Variants in MYT1L observed in about 807,000 individuals in gnomAD.
MYT1L encodes myelin transcription factor 1 like, also known as myelin transcription factor 1-like protein.
MYT1L carries 12 observed loss-of-function variants against 126.7 expected under a neutral mutation model. That is an observed-to-expected ratio of 0.09 (90% CI 0.06 to 0.15). The LOEUF (loss-of-function observed/expected upper bound fraction) is 0.15. MYT1L is among the 10% of genes least tolerant of loss of function. The pLI is 1.00. For synonymous variants in MYT1L, 541 were observed against 604.2 expected (o/e 0.90, Z 1.53); for missense variants, 979 against 1,585.2 (o/e 0.62, Z 6.49).
chr2:2,169,587 G>A (rs1057346139), intron 3 of MYT1L, among the ~76,000 whole-genome samples: 10 of 152,056 alleles, frequency 6.6e-5, no homozygotes, highest in East Asian at 1.9e-4. Context: ...ACCGGAAATC[G>A]TTCTCTTTTG....
At chr2:1,842,640 G>A (rs2041898656) in intron 19 of MYT1L, 1 of 152,484 alleles carries the variant, frequency 6.6e-6, no homozygotes, top group Non-Finnish European at 1.5e-5. Context: ...TCTGGCTCCT[G>A]ACCTGCCTGC....
chr2:1,986,347 G>C (rs1215072038), intron 5 of MYT1L, among the ~76,000 whole-genome samples: 1 of 152,162 alleles, frequency 6.6e-6, no homozygotes, highest in Admixed American at 6.5e-5. Context: ...GGGATCACTG[G>C]ACGTTAAGCC....
intron 4 of MYT1L, among the ~76,000 whole-genome samples, chr2:2,027,007 G>A (rs555052197): frequency 1.7e-4 from 26 of 152,264 alleles, no homozygotes; most frequent in Middle Eastern, 3.4e-3. Flanking sequence ...GAAGGGCAGC[G>A]TCCAGGCGGG....
At chr2:1,903,020 A>C in intron 14 of MYT1L, 60 bp downstream of exon 14, 1 of 1,474,766 alleles carries the variant, frequency 6.8e-7, no homozygotes, top group Admixed American at 1.7e-5. Context: ...ATTGATATAC[A>C]CAACAACAAC....
At chr2:1,792,265 T>C in intron 24 of MYT1L, 56 bp downstream of exon 24, 2 of 1,535,254 alleles carry the variant, frequency 1.3e-6, no homozygotes, top group Non-Finnish European at 1.8e-6. Flanking sequence ...GCATCTACTT[T>C]AGGCTGTGCG....
At chr2:1,896,373 A>G (rs1054451692) in intron 14 of MYT1L, among the ~76,000 whole-genome samples, 2 of 152,202 alleles carry the variant, frequency 1.3e-5, no homozygotes, top group Non-Finnish European at 2.9e-5. Context: ...TACCAGAAAG[A>G]CACATGCACT....
At chr2:2,123,473 T>A (rs887350428) in intron 3 of MYT1L, among the ~76,000 whole-genome samples, 3 of 152,158 alleles carry the variant, frequency 2.0e-5, no homozygotes, top group African/African-American at 7.2e-5. Context: ...TGGGAGGCAA[T>A]TGGATCATGG....
chr2:2,256,590 T>C (rs953305989), intron 2 of MYT1L, among the ~76,000 whole-genome samples: 2 of 152,192 alleles, frequency 1.3e-5, no homozygotes, highest in African/African-American at 2.4e-5. Flanking sequence ...GAAACAGAAA[T>C]CCAAAGAGAT....
chr2:1,936,864 T>C (rs1270698705), intron 9 of MYT1L, among the ~76,000 whole-genome samples: 2 of 152,138 alleles, frequency 1.3e-5, no homozygotes, highest in East Asian at 1.9e-4. Flanking sequence ...AAAATTTGTC[T>C]TCCACAAATA....
chr2:1,939,186 C>T (rs1159283273), intron 9 of MYT1L, among the ~76,000 whole-genome samples: 5 of 152,214 alleles, frequency 3.3e-5, no homozygotes, highest in Non-Finnish European at 5.9e-5. Flanking sequence ...AGTCACACTC[C>T]GCTCTGTGCT....
At chr2:1,990,447 C>A (rs144059307) in intron 5 of MYT1L, among the ~76,000 whole-genome samples, 2 of 152,302 alleles carry the variant, frequency 1.3e-5, no homozygotes, top group Non-Finnish European at 2.9e-5. Flanking sequence ...TACTCAAGCA[C>A]CAAGCTGTAA....
At chr2:1,798,547 T>C (rs1447499907) in intron 23 of MYT1L, among the ~76,000 whole-genome samples, 1 of 152,176 alleles carries the variant, frequency 6.6e-6, no homozygotes, top group Non-Finnish European at 1.5e-5. Context: ...TGGCTTGGGC[T>C]CTGTGCACAG....
chr2:2,263,960 A>T (rs569805585), intron 2 of MYT1L, among the ~76,000 whole-genome samples: 8 of 152,336 alleles, frequency 5.3e-5, no homozygotes, highest in Non-Finnish European at 1.0e-4. Context: ...GTATAATTTT[A>T]AAAAATCCTA....
At chr2:1,961,200 G>T (rs1240756819) in intron 8 of MYT1L, among the ~76,000 whole-genome samples, 1 of 152,154 alleles carries the variant, frequency 6.6e-6, no homozygotes, top group Non-Finnish European at 1.5e-5. Context: ...TGAGTTACCT[G>T]ACAGGTACAA....
At position 2,113,060 on chromosome 2, in the gene MYT1L, C is replaced by T. The variant is rs551639843; in HGVS notation, c.-303-58937G>A. On this transcript the variant is annotated intron_variant, in intron 3 of 24. Coordinates refer to ENST00000647738, the MANE Select transcript of MYT1L (RefSeq NM_001303052.2). Reference sequence around the variant, plus strand: ...AGCATAAGGAGGGTGCTGATGACCACGGGGGCCCTGCCAGCTTCACTGTCT... The same window carrying T: ...AGCATAAGGAGGGTGCTGATGACCATGGGGGCCCTGCCAGCTTCACTGTCT... Among the ~76,000 whole-genome samples the T allele has an allele frequency of 2.6e-5, 4 of 152,314 alleles. No individual in the cohort carries two copies. The South Asian group carries it at 6.2e-4, about 24-fold the overall frequency.
At chr2:1,968,355 A>G (rs1386476500) in intron 8 of MYT1L, among the ~76,000 whole-genome samples, 1 of 152,188 alleles carries the variant, frequency 6.6e-6, no homozygotes, top group Non-Finnish European at 1.5e-5. Context: ...AAGGTGATCC[A>G]GGCATCGCTG....
chr2:1,843,649 A>G (rs1179534450), intron 19 of MYT1L, among the ~76,000 whole-genome samples: 1 of 151,938 alleles, frequency 6.6e-6, no homozygotes, highest in Non-Finnish European at 1.5e-5. Flanking sequence ...AGGGAGAATT[A>G]AAGTGTCTTA....
chr2:1,903,674 T>C (rs2195903), intron 13 of MYT1L, among the ~76,000 whole-genome samples: 55,546 of 151,980 alleles, frequency 0.37, 12,320 homozygotes, highest in African/African-American at 0.63. Context: ...TACACAAAGA[T>C]GTTGCCTCGA....
chr2:2,282,854 C>T (rs1258532734), intron 2 of MYT1L, among the ~76,000 whole-genome samples: 1 of 152,176 alleles, frequency 6.6e-6, no homozygotes, highest in African/African-American at 2.4e-5. Context: ...GTGGGCAGAC[C>T]ACTTGAGGTC....
Sources: gnomAD v4.1 joint callset for allele counts (sites outside exome capture counted in the v4.1 genomes callset) on GRCh38, gnomAD v4.1.1 for gene constraint, MANE v1.5 for transcripts, NCBI Gene and HGNC (gene_info 2026-07-23, HGNC 2026-07-21) for gene names.